Variants in STIMATE observed in about 807,000 individuals in gnomAD.
STIMATE encodes the protein STIM activating enhancer.
Under a neutral mutation model 36.7 loss-of-function variants are expected in STIMATE, and 15 were observed. That is an observed-to-expected ratio of 0.41 (90% CI 0.27 to 0.63). The LOEUF (loss-of-function observed/expected upper bound fraction) is 0.63, where lower values mean the gene tolerates loss of function less well. STIMATE is among the 20% of genes least tolerant of loss of function. The pLI is 0.32. For synonymous variants in STIMATE, 163 were observed against 162.3 expected, an observed-to-expected ratio of 1.00 and a Z score of -0.03; for missense variants, 305 against 397.3, an observed-to-expected ratio of 0.77 and a Z score of 1.98.
At chr3:52,856,326 A>G (rs1701094687) in intron 1 of STIMATE, among the ~76,000 whole-genome samples, 1 of 152,202 alleles carries the variant, frequency 6.6e-6, no homozygotes, top group Non-Finnish European at 1.5e-5. Context: ...CCTGCAGGAA[A>G]CGAAAAGCCA....
intron 2 of STIMATE, among the ~76,000 whole-genome samples, chr3:52,853,290 T>G (rs935712476): frequency 6.6e-6 from 1 of 152,216 alleles, no homozygotes; most frequent in Admixed American, 6.5e-5. Flanking sequence ...ACACCGGGCC[T>G]GAGGGCTGTA....
intron 4 of STIMATE, among the ~76,000 whole-genome samples, chr3:52,845,746 C>A (rs912062756): frequency 1.3e-5 from 2 of 152,150 alleles, no homozygotes; most frequent in Admixed American, 6.5e-5. Flanking sequence ...ACCAGCCCCT[C>A]CAGGGAATGA....
At chr3:52,887,995 T>TTTTTTTTTG (rs1701718762) in intron 1 of STIMATE, among the ~76,000 whole-genome samples, 1 of 46,920 alleles carries the variant, frequency 2.1e-5, no homozygotes, top group Non-Finnish European at 4.5e-5. Flanking sequence ...ACAGAATCAG[T>TTTTTTTTTG]TTTTTTTTTT....
intron 1 of STIMATE, among the ~76,000 whole-genome samples, chr3:52,893,046 GAA>G (rs34833389): frequency 2.2e-5 from 3 of 134,496 alleles, no homozygotes; most frequent in East Asian, 4.4e-4. Context: ...CAGAAACATT[GAA>G]AAAAAAAAAA....
At position 52,864,978 on chromosome 3, in the gene STIMATE, G is replaced by T. The variant is rs551607718; in HGVS notation, c.161-9534C>A. Among the ~76,000 whole-genome samples, 10 of 149,244 alleles carry T rather than the reference G, an allele frequency of 6.7e-5. No homozygotes were observed. The South Asian group carries it at 1.7e-3, about 25-fold the overall frequency. ...TTTTTTTTTTTTGAGATGGAGTCTT[G>T]CTCTGTCACCTAGGCTGGAGTGTAG... On this transcript the variant is annotated intron_variant, in intron 1 of 7. Coordinates refer to ENST00000355083, the MANE Select transcript of STIMATE (RefSeq NM_198563.5).
Position 52,840,333 on chromosome 3 carries a change from A to T in STIMATE, c.*161T>A. The stretch of plus-strand genomic sequence containing the variant: ...GCGCTGGCTCCTCTTCCCTCTTTTT[A>T]AGTCACAGTAGTCTGGGGGCAGGCG... On this transcript the variant is annotated 3_prime_UTR_variant, in exon 8 of 8. Coordinates refer to ENST00000355083, the MANE Select transcript of STIMATE (RefSeq NM_198563.5). 1.2e-6 allele frequency: 1 copy of T among 809,192 alleles called. No homozygotes were observed. Among genetic ancestry groups the T allele is most frequent in the African/African-American group, 1.7e-5 (1 of 57,998 alleles). 50.1% of individuals were successfully genotyped at this position (809,192 alleles called of 1,614,324 possible).
At chr3:52,867,928 A>G (rs1434904499) in intron 1 of STIMATE, among the ~76,000 whole-genome samples, 7 of 152,166 alleles carry the variant, frequency 4.6e-5, no homozygotes, top group African/African-American at 1.7e-4. Flanking sequence ...AGTGACCTCA[A>G]GCCATGCCTG....
chr3:52,853,789 G>A (rs1025213615), intron 2 of STIMATE, among the ~76,000 whole-genome samples: 1 of 152,166 alleles, frequency 6.6e-6, no homozygotes, highest in African/African-American at 2.4e-5. Context: ...ACAAGTACAC[G>A]CTTAATAATT....
At chr3:52,854,432 C>T (rs1701058063) in intron 2 of STIMATE, among the ~76,000 whole-genome samples, 1 of 152,174 alleles carries the variant, frequency 6.6e-6, no homozygotes, top group Non-Finnish European at 1.5e-5. Context: ...CATGATGAAC[C>T]CTCCATAAAA....
At chr3:52,848,034 G>T (rs1016116499) in intron 4 of STIMATE, 9 of 154,870 alleles carry the variant, frequency 5.8e-5, no homozygotes, top group African/African-American at 1.9e-4. Context: ...TGGGACTTTA[G>T]CCCAGTGAGA....
intron 1 of STIMATE, among the ~76,000 whole-genome samples, chr3:52,860,293 G>A (rs12629342): frequency 6.6e-6 from 1 of 152,112 alleles, no homozygotes; most frequent in Admixed American, 6.5e-5. Flanking sequence ...ACAGTGCCAA[G>A]CATGGAGGTA....
At chr3:52,860,384 C>A (rs574961942) in intron 1 of STIMATE, among the ~76,000 whole-genome samples, 1 of 151,974 alleles carries the variant, frequency 6.6e-6, no homozygotes, top group African/African-American at 2.4e-5. Context: ...GGAGAGCCCA[C>A]GCCCGAGGAA....
chr3:52,884,736 T>TTGA (rs1701665027), intron 1 of STIMATE, among the ~76,000 whole-genome samples: 2 of 152,270 alleles, frequency 1.3e-5, no homozygotes, highest in Non-Finnish European at 2.9e-5. Flanking sequence ...TTGTTGCATG[T>TTGA]ATCAATAGTT....
At chr3:52,847,903 C>G (rs6445542) in intron 4 of STIMATE, among the ~76,000 whole-genome samples, 136,621 of 152,136 alleles carry the variant, frequency 0.9, 63,218 homozygotes, top group East Asian at 1. Context: ...CCCAGCGACT[C>G]TTGTTGGCTT....
intron 1 of STIMATE, among the ~76,000 whole-genome samples, chr3:52,874,064 C>G (rs948081583): frequency 6.6e-6 from 1 of 152,154 alleles, no homozygotes; most frequent in African/African-American, 2.4e-5. Context: ...TCAGCTTTTC[C>G]TCTATAGTTA....
intron 4 of STIMATE, among the ~76,000 whole-genome samples, chr3:52,848,914 C>T (rs973097651): frequency 3.9e-5 from 6 of 152,218 alleles, no homozygotes; most frequent in Non-Finnish European, 7.3e-5. Context: ...CTCCCCTCAA[C>T]GGAGACAAAC....
intron 1 of STIMATE, among the ~76,000 whole-genome samples, chr3:52,895,274 T>C (rs1046599771): frequency 6.6e-6 from 1 of 152,194 alleles, no homozygotes; most frequent in Non-Finnish European, 1.5e-5. Context: ...TCCCAGTCAG[T>C]GGGCTTCTTC....
At chr3:52,883,304 C>G (rs374099601) in intron 1 of STIMATE, among the ~76,000 whole-genome samples, 14 of 152,254 alleles carry the variant, frequency 9.2e-5, no homozygotes, top group African/African-American at 3.4e-4. Context: ...ACAAAAAATC[C>G]AAATTAGTTC....
intron 4 of STIMATE, among the ~76,000 whole-genome samples, chr3:52,847,856 G>C (rs978778888): frequency 6.6e-6 from 1 of 152,208 alleles, no homozygotes; most frequent in African/African-American, 2.4e-5. Context: ...TAAAGTAGAA[G>C]GCTGCAGGAA....
Sources: allele counts gnomAD v4.1 joint callset (sites outside exome capture counted in the v4.1 genomes callset), GRCh38; gene constraint gnomAD v4.1.1; transcripts MANE v1.5; gene names NCBI Gene and HGNC (gene_info 2026-07-23, HGNC 2026-07-21).